Variants in CNGB1 observed in about 807,000 individuals in gnomAD.
CNGB1 encodes the protein cyclic nucleotide-gated channel beta-1.
In CNGB1, 126 loss-of-function variants were observed where a neutral mutation model predicts 151.7. The observed-to-expected ratio is 0.83, with a 90% CI of 0.72 to 0.96. The LOEUF is 0.96. Among genes scored for constraint, CNGB1 ranks in the 40% least tolerant of loss-of-function variants. CNGB1 has a pLI of 0.00. For missense variants in CNGB1, 1,698 were observed against 1,627.0 expected, an observed-to-expected ratio of 1.04 and a Z score of -0.75; for synonymous variants, 623 against 635.1, an observed-to-expected ratio of 0.98 and a Z score of 0.29.
At position 57,897,914 on chromosome 16, in the gene CNGB1, C is replaced by T. The variant is rs1960280058; in HGVS notation, c.2977G>A (p.Gly993Arg). The T allele has an allele frequency of 1.9e-6, 3 of 1,614,144 alleles. No homozygotes were observed. The highest frequency in any genetic ancestry group is 2.5e-6 in the Non-Finnish European group (3 of 1,179,958). ...ATGTACATCTCACGGCCGATCTCCC[C>T]CTGAAACAAAGAAGTGACAAGTCCC... The part of the protein sequence containing the change: ...YLPNDYVCKK[G>R]EIGREMYIIQ... The change falls in exon 30 of 33, where the codon GGG (glycine) becomes AGG (arginine). Residue 993 changes from glycine to arginine, a missense_variant and splice_region_variant. Gly to Arg is a moderately radical substitution (Grantham distance 125). Transcript: ENST00000251102.
chr16:57,960,986 GC>G, intron 7 of CNGB1, 71 bp from the exon 8 acceptor site: 2 of 1,427,684 alleles, frequency 1.4e-6, no homozygotes, highest in Non-Finnish European at 2.0e-6. Context: ...CCACCTCGGG[GC>G]CAGGCCTCAA....
At chr16:57,889,310 A>G (rs1226415936) in intron 31 of CNGB1, among the ~76,000 whole-genome samples, 2 of 152,100 alleles carry the variant, frequency 1.3e-5, no homozygotes, top group Non-Finnish European at 2.9e-5. Flanking sequence ...GCCTCCCTTG[A>G]TGACTTTGAT....
At chr16:57,956,244 C>G (rs1447048678) in intron 12 of CNGB1, among the ~76,000 whole-genome samples, 2 of 152,154 alleles carry the variant, frequency 1.3e-5, no homozygotes, top group African/African-American at 2.4e-5. Flanking sequence ...TGGGCAGGTG[C>G]TTTTGGTTCT....
chr16:57,923,393 A>G lies in CNGB1; in HGVS notation c.1536-13T>C. On this transcript the variant is annotated splice_polypyrimidine_tract_variant and intron_variant, in intron 17 of 32. Transcript: ENST00000251102. ...GGGCAGCTTCTTCCTGCAAAGACAC[A>G]GATGTGGAAGGGGCCTTCAGCAAAG... is the stretch of plus-strand genomic sequence containing the variant. 1 of 1,606,094 alleles carries G rather than the reference A, an allele frequency of 6.2e-7. No homozygotes were observed. The highest frequency in any genetic ancestry group is 8.5e-7 in the Non-Finnish European group (1 of 1,173,924).
At chr16:57,889,957 G>T (rs1184147425) in intron 31 of CNGB1, among the ~76,000 whole-genome samples, 1 of 152,116 alleles carries the variant, frequency 6.6e-6, no homozygotes, top group Non-Finnish European at 1.5e-5. Context: ...CGTGCCCAAG[G>T]TTACCAGGAA....
intron 31 of CNGB1, among the ~76,000 whole-genome samples, chr16:57,895,024 A>G (rs1370891531): frequency 5.3e-5 from 8 of 149,760 alleles, no homozygotes; most frequent in Admixed American, 4.6e-4. Flanking sequence ...ACTGAACTCT[A>G]CCTAGAAGCC....
At chr16:57,884,671 T>A (rs1198205047) in intron 32 of CNGB1, among the ~76,000 whole-genome samples, 1 of 152,060 alleles carries the variant, frequency 6.6e-6, no homozygotes. Context: ...AAAGTCCCGG[T>A]TGGATTTCGT....
chr16:57,933,315 C>T (rs567630049), intron 16 of CNGB1, among the ~76,000 whole-genome samples: 1,635 of 152,286 alleles, frequency 0.011, 35 homozygotes, highest in African/African-American at 0.038. Flanking sequence ...TGTGCTACTT[C>T]CTATTTGGAT....
chr16:57,904,649 G>C, intron 26 of CNGB1, 85 bp downstream of exon 26: 2 of 1,585,876 alleles, frequency 1.3e-6, no homozygotes, highest in East Asian at 2.2e-5. Flanking sequence ...CAAAAGCAAC[G>C]GGCACAGAGG....
Position 57,904,799 on chromosome 16 carries a change from CAA to C in CNGB1, c.2567_2568del (p.Phe856Ter). On this transcript the variant is annotated frameshift_variant, in exon 26 of 33. Transcript: ENST00000251102. LOFTEE classifies it high-confidence loss of function. Reference sequence around the variant, plus strand: ...TAATTCAGCAGCTGGAAGACAATTTCAAAGAGTGTCTTGGGGTCAGGCAGCCC... The same window carrying C: ...TAATTCAGCAGCTGGAAGACAATTTCAGAGTGTCTTGGGGTCAGGCAGCCC... ...IGGLPDPKTL[F>X]EIVFQLLNYF... The C allele has an allele frequency of 1.2e-6, 2 of 1,614,160 alleles. No homozygotes were observed. Among genetic ancestry groups the C allele is most frequent in the East Asian group, 2.2e-5 (1 of 44,874 alleles).
chr16:57,966,501 C>T (rs1171686822), intron 2 of CNGB1, among the ~76,000 whole-genome samples: 1 of 152,226 alleles, frequency 6.6e-6, no homozygotes, highest in Non-Finnish European at 1.5e-5. Flanking sequence ...AGTCTGCAAA[C>T]TGTTACTGGT....
In CNGB1 at chr16:57,940,257, G is replaced by A. The variant is rs761209484; in HGVS notation, c.1186C>T (p.Arg396Trp). The A allele has an allele frequency of 1.5e-5, 23 of 1,574,252 alleles. No homozygotes were observed. Among genetic ancestry groups the A allele is most frequent in the Middle Eastern group, 1.7e-4 (1 of 6,032 alleles). ...GVGQSEEDGT[R>W]PQSTSDQKLW... is the part of the protein sequence containing the mutation. The stretch of plus-strand genomic sequence containing the variant: ...ACCTGATCTGAAGTGCTCTGGGGCC[G>A]GGTCCCGTCTTCTTCACTCTGGCCC... Residue 396 changes from arginine to tryptophan, a missense_variant, in exon 15 of 33, where the codon CGG (arginine) becomes TGG (tryptophan). Transcript: ENST00000251102.
At position 57,946,901 on chromosome 16, in the gene CNGB1, G is replaced by A. The variant is rs745338751; in HGVS notation, c.1121+2452C>T. Reference sequence around the variant, plus strand: ...TCTGGGTAAACATTTGTATGAAGATGTTCACGCCTGCAGCATCTGCCGGTA... The same window carrying A: ...TCTGGGTAAACATTTGTATGAAGATATTCACGCCTGCAGCATCTGCCGGTA... On this transcript the variant is annotated intron_variant, in intron 14 of 32. Coordinates refer to ENST00000251102, the MANE Select transcript of CNGB1 (RefSeq NM_001297.5). Among the ~76,000 whole-genome samples, 3 of 152,328 alleles carry A rather than the reference G, an allele frequency of 2.0e-5. No individual in the cohort carries two copies. The South Asian group carries it at 6.2e-4, about 32-fold the overall frequency.
At chr16:57,970,209 G>T (rs766923462) in intron 1 of CNGB1, among the ~76,000 whole-genome samples, 1 of 152,134 alleles carries the variant, frequency 6.6e-6, no homozygotes, top group African/African-American at 2.4e-5. Flanking sequence ...TGAAGGTGGG[G>T]GCACAGACAC....
At position 57,904,859 on chromosome 16, in the gene CNGB1, A is replaced by G. The variant is rs1366862029; in HGVS notation, c.2509T>C (p.Tyr837His). 4 of 1,614,198 alleles carry G rather than the reference A, an allele frequency of 2.5e-6. No homozygotes were observed. The highest frequency in any genetic ancestry group is 2.2e-5 in the South Asian group (2 of 91,082). Residue 837 changes from tyrosine (Y) to histidine (H), a missense_variant, in exon 26 of 33, where the codon TAC becomes CAC. Transcript: ENST00000251102. The part of the protein sequence containing the change: ...GVGNSYIRCY[Y>H]FAVKTLITIG... ...GTGATGAGGGTCTTCACAGCAAAGT[A>G]GTAACAGCGAATATAACTGGAGAGA...
intron 18 of CNGB1, among the ~76,000 whole-genome samples, 190 bp from the exon 19 acceptor site, chr16:57,920,734 G>A (rs1340073177): frequency 1.3e-5 from 2 of 152,198 alleles, no homozygotes; most frequent in African/African-American, 2.4e-5. Flanking sequence ...TTCAGTCCGG[G>A]AATAATGCCC....
intron 25 of CNGB1, among the ~76,000 whole-genome samples, chr16:57,907,280 G>A (rs1347714514): frequency 1.3e-5 from 2 of 152,196 alleles, no homozygotes; most frequent in Non-Finnish European, 2.9e-5. Context: ...TTAGCCCCAG[G>A]GAGGAGAGTT....
intron 15 of CNGB1, 47 bp from the exon 16 acceptor site, chr16:57,939,639 G>T: frequency 6.2e-7 from 1 of 1,612,456 alleles, no homozygotes; most frequent in African/African-American, 1.3e-5. Flanking sequence ...TCAGCCCCCA[G>T]CCCTAGTCTC....
intron 25 of CNGB1, among the ~76,000 whole-genome samples, chr16:57,905,886 AG>A (rs1158126734): frequency 6.6e-6 from 1 of 152,230 alleles, no homozygotes; most frequent in Non-Finnish European, 1.5e-5. Context: ...GTGAAAAATA[AG>A]TTTCTGTTCT....
Sources: allele counts gnomAD v4.1 joint callset (sites outside exome capture counted in the v4.1 genomes callset), GRCh38; gene constraint gnomAD v4.1.1; transcripts MANE v1.5; gene names NCBI Gene and HGNC (gene_info 2026-07-23, HGNC 2026-07-21).